AKR1C1: variants seen among roughly 807,000 people sequenced by gnomAD.
The protein encoded by AKR1C1 is 20 alpha-hydroxysteroid dehydrogenase.
In AKR1C1, 32 loss-of-function variants were observed where a neutral mutation model predicts 40.6. The observed-to-expected ratio is 0.79, with a 90% CI of 0.60 to 1.06. AKR1C1 has a LOEUF of 1.06. Among genes scored for constraint, AKR1C1 ranks in the 50% least tolerant of loss-of-function variants. The pLI, the probability that AKR1C1 is intolerant of heterozygous loss-of-function variation, is 0.00. For synonymous variants in AKR1C1, 105 were observed against 134.2 expected (o/e 0.78, Z 1.50); for missense variants, 320 against 363.5 (o/e 0.88, Z 0.97).
At chr10:4,966,813 T>C (rs1351120125) in intron 2 of AKR1C1, 114 bp from the exon 3 acceptor site, 5 of 804,254 alleles carry the variant, frequency 6.2e-6, no homozygotes, top group Non-Finnish European at 6.1e-6. Context: ...AGAATAATTT[T>C]GCCTGTGGTC....
Position 4,965,829 on chromosome 10 carries a change from T to A in AKR1C1, c.85-85T>A, listed in dbSNP as rs192744632. 59 of 1,496,684 alleles carry A rather than the reference T, an allele frequency of 3.9e-5. No individual in the cohort carries two copies. The East Asian group carries it at 1.3e-3, about 32-fold the overall frequency. 92.7% of individuals were successfully genotyped at this position (1,496,684 alleles called of 1,614,324 possible). A position where few individuals can be genotyped will look rare whatever the true frequency, so the allele number is the denominator to read the frequency against. ...ACTCATCCAAGAAAGGAGGAAAAGCTGATTTTTGTGAACGTCGCTACTTGT... is the reference window on the plus strand; with the variant it reads ...ACTCATCCAAGAAAGGAGGAAAAGCAGATTTTTGTGAACGTCGCTACTTGT... On this transcript the variant is annotated intron_variant, in intron 1 of 8. Coordinates refer to ENST00000380872, the MANE Select transcript of AKR1C1 (RefSeq NM_001353.6).
chr10:4,977,914 T>C lies in AKR1C1; in HGVS notation c.*172T>C. Reference sequence around the variant, plus strand: ...GGCCAGAAAGGAAAGACAATAATTTTGTTTTTTCATTTTGAAAAAATTAAA... The same window carrying C: ...GGCCAGAAAGGAAAGACAATAATTTCGTTTTTTCATTTTGAAAAAATTAAA... On this transcript the variant is annotated 3_prime_UTR_variant, in exon 9 of 9. Transcript: ENST00000380872. The C allele has an allele frequency of 9.4e-7, 1 of 1,060,340 alleles. No homozygotes were observed. The allele number at this position is 1,060,340 out of a possible 1,614,324, so 65.7% of individuals were successfully genotyped here.
At position 4,972,758 on chromosome 10, in the gene AKR1C1, C is replaced by A. The variant is rs368445537; in HGVS notation, c.846+9C>A. ...TCAGACAGAACGTGCAGGTGAGGAG[C>A]GGGGCTGTGGGCCTCAGGTCTCCTG... On this transcript the variant is annotated intron_variant, in intron 7 of 8. Transcript: ENST00000380872. 1.9e-6 allele frequency: 3 copies of A among 1,611,008 alleles called. No homozygotes were observed. In the African/African-American group the frequency reaches 4.0e-5, roughly 22 times the overall value.
intron 3 of AKR1C1, 63 bp from the exon 4 acceptor site, chr10:4,968,246 G>A (rs1317851524): frequency 7.0e-7 from 1 of 1,435,500 alleles, no homozygotes; most frequent in African/African-American, 1.4e-5. Flanking sequence ...ATGTACCTCA[G>A]AGCATGGCTA....
rs782325281 is a variant in AKR1C1 at position 4,972,592 on chromosome 10, C to G, written c.689C>G (p.Pro230Arg). Residue 230 changes from proline to arginine, a missense_variant, in exon 7 of 9, where the codon CCG (proline) becomes CGG (arginine). Coordinates refer to ENST00000380872, the MANE Select transcript of AKR1C1 (RefSeq NM_001353.6). ...GSHREEPWVD[P>R]NSPVLLEDPV... The stretch of plus-strand genomic sequence containing the variant: ...TCTGCCTTTCCTTCCAGGGTGGACC[C>G]GAACTCCCCGGTGCTCTTGGAGGAC... 3.7e-6 allele frequency: 6 copies of G among 1,613,710 alleles called. No homozygotes were observed. The highest frequency in any genetic ancestry group is 3.3e-5 in the Admixed American group (2 of 59,982).
rs113626069 is a variant in AKR1C1, at chr10:4,979,554, A to G, written c.*1812A>G. 6.6e-6 allele frequency: 1 copy of G among 150,830 alleles called. No homozygotes were observed. Among genetic ancestry groups the G allele is most frequent in the South Asian group, 2.1e-4 (1 of 4,824 alleles). 9.3% of individuals were successfully genotyped at this position (150,830 alleles called of 1,614,324 possible). ...AAAGATTGACATTTTGTTAAAAGTT[A>G]GTAGTGAAGTGTGTAACGCTTAAGC... On this transcript the variant is annotated 3_prime_UTR_variant, in exon 9 of 9. Coordinates refer to ENST00000380872, the MANE Select transcript of AKR1C1 (RefSeq NM_001353.6).
In AKR1C1 at chr10:4,968,916, G is replaced by T. The variant is rs371791537; in HGVS notation, c.542G>T (p.Gly181Val). Residue 181 changes from glycine to valine, a missense_variant, in exon 5 of 9, where the codon GGG becomes GTG. This residue lies in a region of AKR1C1 where 77 missense variants were observed against 125.3 expected (regional missense o/e 0.61). Coordinates refer to ENST00000380872, the MANE Select transcript of AKR1C1 (RefSeq NM_001353.6). ...RQLEMILNKP[G>V]LKYKPVCNQV... is the part of the protein sequence containing the mutation. Reference sequence around the variant, plus strand: ...CTGGAGATGATCCTCAACAAGCCAGGGCTCAAGTACAAGCCTGTCTGCAAC... The same window carrying T: ...CTGGAGATGATCCTCAACAAGCCAGTGCTCAAGTACAAGCCTGTCTGCAAC... 1 of 1,614,026 alleles carries T rather than the reference G, an allele frequency of 6.2e-7. No individual in the cohort carries two copies. The highest frequency in any genetic ancestry group is 8.5e-7 in the Non-Finnish European group (1 of 1,180,042).
chr10:4,976,893 T>C (rs1247843347), intron 8 of AKR1C1, among the ~76,000 whole-genome samples: 4 of 152,090 alleles, frequency 2.6e-5, no homozygotes, highest in African/African-American at 7.2e-5. Context: ...AAAACGGAGA[T>C]GATAAAAAGA....
intron 5 of AKR1C1, among the ~76,000 whole-genome samples, chr10:4,971,524 A>ATATATATATATAT (rs370996794): frequency 3.4e-5 from 2 of 58,126 alleles, no homozygotes; most frequent in South Asian, 1.0e-3. Context: ...TATATATATA[A>ATATATATATATAT]AATATATATG....
In AKR1C1 at chr10:4,977,635, C is replaced by T. The variant is rs1588565753; in HGVS notation, c.930-65C>T. On this transcript the variant is annotated intron_variant, in intron 8 of 8. Coordinates refer to ENST00000380872, the MANE Select transcript of AKR1C1 (RefSeq NM_001353.6). The stretch of plus-strand genomic sequence containing the variant: ...ACTAGCGGCAGCTTCCTAGAAATCA[C>T]TGCACTACCCGCTAGTAACGGAGTC... 8.1e-6 allele frequency: 13 copies of T among 1,607,648 alleles called. No individual in the cohort carries two copies. In the East Asian group the frequency reaches 2.2e-4, roughly 28 times the overall value.
chr10:4,965,954 T>A lies in AKR1C1; in HGVS notation c.125T>A (p.Ile42Asn). 6.2e-7 allele frequency: 1 copy of A among 1,614,188 alleles called. No homozygotes were observed. The highest frequency in any genetic ancestry group is 1.1e-5 in the South Asian group (1 of 91,072). Reference sequence around the variant, plus strand: ...GCTTTAGAGGCCACCAAATTGGCAATTGAAGCTGGCTTCCGCCATATTGAT... The same window carrying A: ...GCTTTAGAGGCCACCAAATTGGCAAATGAAGCTGGCTTCCGCCATATTGAT... ...SKALEATKLA[I>N]EAGFRHIDSA... The change falls in exon 2 of 9, where the codon ATT becomes AAT. Residue 42 changes from isoleucine (I) to asparagine (N), a missense_variant. Around this residue, in one of 3 missense-constraint regions of AKR1C1, gnomAD observed 214 missense variants for 214.8 expected, o/e 1.00. Transcript: ENST00000380872.
chr10:4,976,466 A>G (rs1162141528), intron 8 of AKR1C1, among the ~76,000 whole-genome samples: 5 of 152,140 alleles, frequency 3.3e-5, no homozygotes, highest in African/African-American at 1.2e-4. Flanking sequence ...CTGTCTTTGC[A>G]TGTTTGCCCA....
intron 2 of AKR1C1, among the ~76,000 whole-genome samples, chr10:4,966,312 G>A (rs1254914116): frequency 1.3e-5 from 2 of 152,152 alleles, no homozygotes; most frequent in African/African-American, 2.4e-5. Flanking sequence ...TTTGAGCTCA[G>A]CACAGATCAA....
In AKR1C1 at chr10:4,968,805, C is replaced by T. The variant is rs763132488; in HGVS notation, c.448-17C>T. ...ATTTATCTTGATCTTCCACACCTCA[C>T]AATTCCTTTTTCCCAGGCCGTGGAG... On this transcript the variant is annotated splice_polypyrimidine_tract_variant and intron_variant, in intron 4 of 8. Coordinates refer to ENST00000380872, the MANE Select transcript of AKR1C1 (RefSeq NM_001353.6). 2.2e-5 allele frequency: 36 copies of T among 1,614,058 alleles called. No individual in the cohort carries two copies. In the Admixed American group the frequency reaches 2.8e-4, roughly 13 times the overall value.
chr10:4,968,281 A>G lies in AKR1C1; in HGVS notation c.370-28A>G. 8 of 1,443,990 alleles carry G rather than the reference A, an allele frequency of 5.5e-6. 1 individual carries two copies. Among genetic ancestry groups the G allele is most frequent in the Non-Finnish European group, 7.4e-6 (8 of 1,075,978 alleles). 89.4% of individuals were successfully genotyped at this position (1,443,990 alleles called of 1,614,324 possible). A position where few individuals can be genotyped will look rare whatever the true frequency, so the allele number is the denominator to read the frequency against. The stretch of plus-strand genomic sequence containing the variant: ...ATGTGTGGAGAAATTGACTTGTGAC[A>G]TCACTAAACTGACTGCTTCTACTTC... On this transcript the variant is annotated intron_variant, in intron 3 of 8. Coordinates refer to ENST00000380872, the MANE Select transcript of AKR1C1 (RefSeq NM_001353.6).
chr10:4,977,365 G>A (rs1554770585), intron 8 of AKR1C1, among the ~76,000 whole-genome samples: 1 of 152,202 alleles, frequency 6.6e-6, no homozygotes, highest in Non-Finnish European at 1.5e-5. Flanking sequence ...ATGTAAGGCA[G>A]TATAGTTCCA....
Position 4,977,939 on chromosome 10 carries a change from A to G in AKR1C1, c.*197A>G, listed in dbSNP as rs1836552948. 5.4e-6 allele frequency: 4 copies of G among 735,448 alleles called. No homozygotes were observed. The highest frequency in any genetic ancestry group is 3.4e-5 in the Admixed American group (1 of 29,730). 45.6% of individuals were successfully genotyped at this position (735,448 alleles called of 1,614,324 possible). A position where few individuals can be genotyped will look rare whatever the true frequency, so the allele number is the denominator to read the frequency against. ...TGTTTTTTCATTTTGAAAAAATTAA[A>G]TGCTCTCTCCTAAAGATTCTTCACC... is the stretch of plus-strand genomic sequence containing the variant. On this transcript the variant is annotated 3_prime_UTR_variant, in exon 9 of 9. Coordinates refer to ENST00000380872, the MANE Select transcript of AKR1C1 (RefSeq NM_001353.6).
In AKR1C1 at chr10:4,963,518, C is replaced by T. The variant is rs781200594; in HGVS notation, c.74C>T (p.Ala25Val). 61 of 1,612,318 alleles carry T rather than the reference C, an allele frequency of 3.8e-5. No individual in the cohort carries two copies. In the East Asian group the frequency reaches 7.1e-4, roughly 19 times the overall value. Residue 25 changes from alanine (A) to valine (V), a missense_variant, in exon 1 of 9, where the codon GCG becomes GTG. This residue lies in a region of AKR1C1 where 214 missense variants were observed against 214.8 expected (regional missense o/e 1.00). Transcript: ENST00000380872. ...FMPVLGFGTY[A>V]PAEVPKSKAL... ...CCTGTCCTGGGATTTGGCACCTATGCGCCTGCAGAGGTAACAATAATATTT... is the reference window on the plus strand; with the variant it reads ...CCTGTCCTGGGATTTGGCACCTATGTGCCTGCAGAGGTAACAATAATATTT...
chr10:4,977,002 G>A (rs1302506112), intron 8 of AKR1C1, among the ~76,000 whole-genome samples: 1 of 152,194 alleles, frequency 6.6e-6, no homozygotes, highest in Non-Finnish European at 1.5e-5. Context: ...ACTCAAATAT[G>A]GTCTGGAGTA....
Sources: gnomAD v4.1 joint callset for allele counts (sites outside exome capture counted in the v4.1 genomes callset) on GRCh38, gnomAD v4.1.1 for gene constraint, gnomAD v4.1.1 regional missense constraint, MANE v1.5 for transcripts, NCBI Gene and HGNC (gene_info 2026-07-23, HGNC 2026-07-21) for gene names.